KIF13B: variants seen among roughly 807,000 people sequenced by gnomAD.
The protein encoded by KIF13B is kinesin-like protein KIF13B.
A neutral mutation model predicts 222.0 loss-of-function variants in KIF13B; 127 were observed. The ratio of observed to expected loss-of-function variants is 0.57; its 90% CI spans 0.50 to 0.66. KIF13B has a LOEUF of 0.66. Among genes scored for constraint, KIF13B ranks in the 30% least tolerant of loss-of-function variants. The pLI, the probability that KIF13B is intolerant of heterozygous loss-of-function variation, is 0.00. For synonymous variants in KIF13B, 976 were observed against 919.0 expected (o/e 1.06, Z -1.12); for missense variants, 2,173 against 2,379.0 (o/e 0.91, Z 1.80).
At chr8:29,243,537 T>C (rs1052405271) in intron 2 of KIF13B, among the ~76,000 whole-genome samples, 10 of 151,442 alleles carry the variant, frequency 6.6e-5, no homozygotes. Context: ...ACACCTGTAA[T>C]CCCAGCTACT....
At chr8:29,191,689 G>T (rs963027267) in intron 3 of KIF13B, among the ~76,000 whole-genome samples, 5 of 152,184 alleles carry the variant, frequency 3.3e-5, no homozygotes, top group African/African-American at 1.2e-4. Flanking sequence ...GATCTGTTTT[G>T]ATCTTTCACC....
Position 29,070,684 on chromosome 8 carries a change from G to T in KIF13B, c.5301C>A (p.Val1767=). 6.4e-7 allele frequency: 1 copy of T among 1,560,676 alleles called. No homozygotes were observed. The highest frequency in any genetic ancestry group is 8.7e-7 in the Non-Finnish European group (1 of 1,152,848). ...GYGLLVRPSR[V]RRATGPVRRR... is the part of the protein sequence containing the mutation. ...GCCGCACAGGGCCCGTGGCCCTGCGGACCCGGCTGGGCCTGACCAGCAGCC... is the reference window on the plus strand; with the variant it reads ...GCCGCACAGGGCCCGTGGCCCTGCGTACCCGGCTGGGCCTGACCAGCAGCC... Residue 1767 remains valine (V), a synonymous_variant, in exon 40 of 40, where the codon GTC becomes GTA. Coordinates refer to ENST00000524189, the MANE Select transcript of KIF13B (RefSeq NM_015254.4). This position sits in a 1 kb window ranked among gnomAD's most constrained non-coding sequence, Gnocchi z 4.1.
At chr8:29,177,943 C>T (rs1297993184) in intron 8 of KIF13B, among the ~76,000 whole-genome samples, 7 of 152,128 alleles carry the variant, frequency 4.6e-5, no homozygotes, top group South Asian at 2.1e-4. Flanking sequence ...TCTGTCACAA[C>T]CAAATGGGTT....
rs1387021346 is a variant in KIF13B at position 29,147,570 on chromosome 8, G to C, written c.1846C>G (p.Gln616Glu). ...PMQSILNSLE[Q>E]QHEEEKRSAL... ...GATCGTTTTTCTTCTTCATGCTGTT[G>C]TTCTAAGCTGTTTAATATGGACTGC... Residue 616 changes from glutamine (Q) to glutamate (E), a missense_variant, in exon 17 of 40, where the codon CAA (glutamine) becomes GAA (glutamate). By Grantham distance (29) the Gln-to-Glu change is conservative. Around this residue, in one of 2 missense-constraint regions of KIF13B, gnomAD observed 1,480 missense variants for 1,722.8 expected, o/e 0.86. Coordinates refer to ENST00000524189, the MANE Select transcript of KIF13B (RefSeq NM_015254.4). The C allele has an allele frequency of 6.2e-7, 1 of 1,613,028 alleles. No individual in the cohort carries two copies. Among genetic ancestry groups the C allele is most frequent in the Non-Finnish European group, 8.5e-7 (1 of 1,179,728 alleles).
At chr8:29,097,730 C>G (rs181287486) in intron 36 of KIF13B, among the ~76,000 whole-genome samples, 1 of 152,014 alleles carries the variant, frequency 6.6e-6, no homozygotes, top group Non-Finnish European at 1.5e-5. Context: ...TTTAAAAAAT[C>G]AATTGCAATA....
chr8:29,094,633 T>C (rs1287371883), intron 36 of KIF13B, among the ~76,000 whole-genome samples: 2 of 152,190 alleles, frequency 1.3e-5, no homozygotes, highest in Non-Finnish European at 2.9e-5. Flanking sequence ...CACATGGATA[T>C]ATACAAATAC....
At position 29,148,009 on chromosome 8, in the gene KIF13B, C is replaced by A. The variant is rs1445445215; in HGVS notation, c.1814-407G>T. Reference sequence around the variant, plus strand: ...GGTCAGGAGTTTGAGACCAGCCTGGCCGACATGGCGAAACCTTGTCTCTAT... The same window carrying A: ...GGTCAGGAGTTTGAGACCAGCCTGGACGACATGGCGAAACCTTGTCTCTAT... On this transcript the variant is annotated intron_variant, in intron 16 of 39. Coordinates refer to ENST00000524189, the MANE Select transcript of KIF13B (RefSeq NM_015254.4). 2.4e-4 allele frequency among the ~76,000 whole-genome samples: 37 copies of A among 152,156 alleles called. 1 individual carries two copies. The highest frequency in any genetic ancestry group is 2.4e-3 in the Admixed American group (37 of 15,282).
At chr8:29,075,469 G>C (rs989909221) in intron 37 of KIF13B, 126 bp from the exon 38 acceptor site, 22 of 778,658 alleles carry the variant, frequency 2.8e-5, no homozygotes, top group Non-Finnish European at 3.8e-5. Context: ...GTGTGCGAGT[G>C]TGAGGGGCTC....
rs770341265 is a variant in KIF13B, at chr8:29,071,624, G to A, written c.5214C>T (p.Pro1738=). 5 of 1,551,048 alleles carry A rather than the reference G, an allele frequency of 3.2e-6. No homozygotes were observed. Among genetic ancestry groups the A allele is most frequent in the South Asian group, 2.4e-5 (2 of 84,116 alleles). The change falls in exon 39 of 40, where the codon CCC becomes CCT. Residue 1738 remains proline (P), a synonymous_variant. Transcript: ENST00000524189. This position sits in a 1 kb window ranked among gnomAD's most constrained non-coding sequence, Gnocchi z 4.9. ...CCCGGAGTGCCCGGTACCCACCTGA[G>A]GGCAGGTCGAGCTCCACGCCGACCC... ...GTWVGVELDL[P]SGKNDGSIGG...
At chr8:29,094,551 A>C (rs1037586166) in intron 36 of KIF13B, among the ~76,000 whole-genome samples, 3 of 152,248 alleles carry the variant, frequency 2.0e-5, no homozygotes, top group Admixed American at 6.5e-5. Context: ...TCGTCAGAAC[A>C]CTGGCTGACC....
chr8:29,225,680 G>C (rs558991725), intron 2 of KIF13B, among the ~76,000 whole-genome samples: 2 of 152,178 alleles, frequency 1.3e-5, no homozygotes, highest in East Asian at 3.8e-4. Flanking sequence ...TGTCTGGCTG[G>C]ATCGATTCCT....
intron 13 of KIF13B, among the ~76,000 whole-genome samples, chr8:29,158,587 T>G (rs1376145118): frequency 1.3e-5 from 2 of 152,260 alleles, no homozygotes; most frequent in East Asian, 3.8e-4. Context: ...TGAATTCATC[T>G]GCCCAGCATC....
rs561949266 is a variant in KIF13B, at chr8:29,155,364, G to C, written c.1535+362C>G. Among the ~76,000 whole-genome samples, 3 of 152,316 alleles carry C rather than the reference G, an allele frequency of 2.0e-5. No homozygotes were observed. The South Asian group carries it at 6.2e-4, about 32-fold the overall frequency. On this transcript the variant is annotated intron_variant, in intron 14 of 39. Transcript: ENST00000524189. ...CCTGCAGACCCAACAGGAGTTAGCA[G>C]GTCAAAGGATTGGCAGGTGCTGAGG...
intron 2 of KIF13B, among the ~76,000 whole-genome samples, chr8:29,240,721 T>C (rs1400945211): frequency 6.6e-6 from 1 of 152,208 alleles, no homozygotes; most frequent in Non-Finnish European, 1.5e-5. Context: ...TGGACAGCAC[T>C]ATGTTTGGTT....
At position 29,088,265 on chromosome 8, in the gene KIF13B, TA is replaced by T. The variant is rs947700057; in HGVS notation, c.4458+4479del. Among the ~76,000 whole-genome samples the T allele has an allele frequency of 3.8e-3, 557 of 148,514 alleles. 3 individuals are homozygous for T. The highest frequency in any genetic ancestry group is 0.012 in the African/African-American group (505 of 40,582). Reference sequence around the variant, plus strand: ...TGGGCGACAGAGGGAGACTCCATCTTAAAAAAAAAAATTATATATTTTAAAG... The same window carrying T: ...TGGGCGACAGAGGGAGACTCCATCTTAAAAAAAAAATTATATATTTTAAAG... On this transcript the variant is annotated intron_variant, in intron 37 of 39. Coordinates refer to ENST00000524189, the MANE Select transcript of KIF13B (RefSeq NM_015254.4).
At chr8:29,097,541 T>C (rs914598155) in intron 36 of KIF13B, among the ~76,000 whole-genome samples, 4 of 151,998 alleles carry the variant, frequency 2.6e-5, no homozygotes, top group African/African-American at 9.7e-5. Context: ...ATAGTGCACA[T>C]AGAATATTAA....
intron 37 of KIF13B, among the ~76,000 whole-genome samples, chr8:29,082,217 A>T (rs76505331): frequency 0.033 from 5,081 of 152,286 alleles, 302 homozygotes; most frequent in African/African-American, 0.12. Flanking sequence ...CAAAACAATT[A>T]AAAGGCCTAT....
chr8:29,191,602 A>G (rs1000937862), intron 3 of KIF13B, among the ~76,000 whole-genome samples: 1 of 152,238 alleles, frequency 6.6e-6, no homozygotes, highest in Non-Finnish European at 1.5e-5. Flanking sequence ...ATGATTCCAT[A>G]TTTGTACCAA....
intron 2 of KIF13B, among the ~76,000 whole-genome samples, chr8:29,233,555 T>A (rs901914974): frequency 6.6e-6 from 1 of 152,250 alleles, no homozygotes; most frequent in African/African-American, 2.4e-5. Context: ...TGCTAGCACA[T>A]TATCTAGATC....
Sources: allele counts gnomAD v4.1 joint callset (sites outside exome capture counted in the v4.1 genomes callset), GRCh38; gene constraint gnomAD v4.1.1; regional missense constraint gnomAD v4.1.1; non-coding constraint Gnocchi (gnomAD v3.1); transcripts MANE v1.5; gene names NCBI Gene and HGNC (gene_info 2026-07-23, HGNC 2026-07-21).